Variants in WIPF1 observed in about 807,000 individuals in gnomAD.
WIPF1 encodes WAS/WASL-interacting protein family member 1.
In WIPF1, 13 loss-of-function variants were observed where a neutral mutation model predicts 35.4. The ratio of observed to expected loss-of-function variants is 0.37; its 90% CI spans 0.24 to 0.58. WIPF1 has a LOEUF of 0.58. WIPF1 is among the 20% of genes least tolerant of loss of function. WIPF1 has a pLI of 0.74. For synonymous variants in WIPF1, 267 were observed against 266.3 expected (o/e 1.00, Z -0.02); for missense variants, 591 against 667.0 (o/e 0.89, Z 1.25).
At chr2:174,606,312 A>G (rs1686162406) in intron 1 of WIPF1, among the ~76,000 whole-genome samples, 1 of 152,248 alleles carries the variant, frequency 6.6e-6, no homozygotes, top group African/African-American at 2.4e-5. Context: ...TATCAAAAAA[A>G]CCAATGAAAA....
intron 1 of WIPF1, among the ~76,000 whole-genome samples, chr2:174,664,695 A>T (rs561966726): frequency 2.6e-5 from 4 of 152,234 alleles, no homozygotes; most frequent in Non-Finnish European, 5.9e-5. Context: ...GTCAAACCAG[A>T]CAAACCTCAA....
chr2:174,632,663 G>A (rs1031226402), intron 1 of WIPF1, among the ~76,000 whole-genome samples: 21 of 141,312 alleles, frequency 1.5e-4, no homozygotes, highest in Admixed American at 1.4e-3. Context: ...GAGCCGAGAC[G>A]GTGCCACTGC....
intron 1 of WIPF1, among the ~76,000 whole-genome samples, chr2:174,657,211 G>A (rs939990621): frequency 6.6e-6 from 1 of 152,166 alleles, no homozygotes; most frequent in South Asian, 2.1e-4. Flanking sequence ...TGGCCTAAGC[G>A]AAGTATCTGT....
At chr2:174,591,854 G>C (rs985571702) in intron 1 of WIPF1, among the ~76,000 whole-genome samples, 1 of 152,126 alleles carries the variant, frequency 6.6e-6, no homozygotes, top group African/African-American at 2.4e-5. Context: ...ATCAACTAGG[G>C]CATCTTGCAG....
chr2:174,637,624 A>G (rs1338859027), intron 1 of WIPF1, among the ~76,000 whole-genome samples: 2 of 152,142 alleles, frequency 1.3e-5, no homozygotes, highest in African/African-American at 4.8e-5. Context: ...CGTCTCTACT[A>G]AAAATACAAA....
chr2:174,638,265 AT>A (rs554177125), intron 1 of WIPF1, among the ~76,000 whole-genome samples: 2 of 152,182 alleles, frequency 1.3e-5, no homozygotes, highest in African/African-American at 2.4e-5. Flanking sequence ...ATTTAATTTT[AT>A]TTTTTAAATT....
chr2:174,605,363 G>A (rs1434885472), intron 1 of WIPF1, among the ~76,000 whole-genome samples: 6 of 152,120 alleles, frequency 3.9e-5, no homozygotes, highest in African/African-American at 7.2e-5. Context: ...GCTTGAACCC[G>A]GAAGGCGGAG....
At chr2:174,639,455 T>C (rs372428752) in intron 1 of WIPF1, among the ~76,000 whole-genome samples, 1 of 152,198 alleles carries the variant, frequency 6.6e-6, no homozygotes, top group African/African-American at 2.4e-5. Flanking sequence ...AGTCTCACTT[T>C]GTCACCTAGG....
intron 1 of WIPF1, among the ~76,000 whole-genome samples, chr2:174,595,110 ATATATAT>A (rs1212553849): frequency 0.031 from 962 of 30,654 alleles, 60 homozygotes; most frequent in African/African-American, 0.073. Flanking sequence ...AAAAAAAAAA[ATATATAT>A]ATATATATAT....
intron 1 of WIPF1, among the ~76,000 whole-genome samples, chr2:174,642,175 A>G (rs1206129170): frequency 6.6e-6 from 1 of 152,182 alleles, no homozygotes; most frequent in Non-Finnish European, 1.5e-5. Flanking sequence ...CAAGGAGGGC[A>G]AGGACAATGT....
intron 7 of WIPF1, 79 bp from the exon 8 acceptor site, chr2:174,562,681 CG>C: frequency 6.4e-7 from 1 of 1,558,812 alleles, no homozygotes; most frequent in South Asian, 1.2e-5. Context: ...GATGGTTGCA[CG>C]GGTACCCACT....
intron 1 of WIPF1, among the ~76,000 whole-genome samples, chr2:174,659,727 T>C (rs1244710163): frequency 6.6e-6 from 1 of 152,218 alleles, no homozygotes; most frequent in Non-Finnish European, 1.5e-5. Flanking sequence ...ATTGAGCACC[T>C]TTCCACTGCA....
rs987075809 is a variant in WIPF1, at chr2:174,590,226, A to T, written c.-38-4615T>A. 2.6e-5 allele frequency among the ~76,000 whole-genome samples: 4 copies of T among 152,196 alleles called. No homozygotes were observed. The highest frequency in any genetic ancestry group is 2.6e-4 in the Admixed American group (4 of 15,284). On this transcript the variant is annotated intron_variant, in intron 1 of 7. Transcript: ENST00000679041. This position sits in a 1 kb window ranked among gnomAD's most constrained non-coding sequence, Gnocchi z 4.6. ...CTGCCACCTGGCAGATTCAGATGGG[A>T]ATTTGTTTTTCCCATCTGTTAAATG...
chr2:174,668,455 A>T (rs1687939757), intron 1 of WIPF1, among the ~76,000 whole-genome samples: 1 of 152,168 alleles, frequency 6.6e-6, no homozygotes, highest in African/African-American at 2.4e-5. Flanking sequence ...TTCCTTCTCT[A>T]CCAGCTGAAC....
intron 1 of WIPF1, among the ~76,000 whole-genome samples, chr2:174,652,788 AT>A (rs1687560438): frequency 6.6e-6 from 1 of 150,638 alleles, no homozygotes; most frequent in Non-Finnish European, 1.5e-5. Context: ...TGTAAATTCC[AT>A]TTAAAAAAAA....
In WIPF1 at chr2:174,659,834, T is replaced by A. The variant is rs149996361; in HGVS notation, c.-39+22940A>T. 4.3e-3 allele frequency among the ~76,000 whole-genome samples: 658 copies of A among 152,326 alleles called. 9 individuals are homozygous for A. Among genetic ancestry groups the A allele is most frequent in the African/African-American group, 0.015 (638 of 41,558 alleles). On this transcript the variant is annotated intron_variant, in intron 1 of 8. Coordinates refer to the WIPF1 transcript ENST00000272746. ...TAAGTTTAACTTTCCTATATTCCAC[T>A]TGAACACATCTTCAGAAGGCATTCC...
chr2:174,667,360 C>T (rs559577670), intron 1 of WIPF1, among the ~76,000 whole-genome samples: 2 of 152,292 alleles, frequency 1.3e-5, no homozygotes, highest in Admixed American at 6.5e-5. Context: ...CATGCAAGAT[C>T]AGGGCTGAAA....
intron 6 of WIPF1, 132 bp downstream of exon 6, chr2:174,567,729 A>G: frequency 1.0e-6 from 1 of 962,930 alleles, no homozygotes; most frequent in Non-Finnish European, 1.5e-6. Context: ...ATGGTTAGAT[A>G]GTTAGATCAG....
chr2:174,581,110 T>C (rs1406901822), intron 3 of WIPF1, 200 bp downstream of exon 3: 3 of 529,616 alleles, frequency 5.7e-6, no homozygotes, highest in Admixed American at 6.4e-5. Context: ...AGAATTATTA[T>C]ACTGGCTTCT....
Sources: gnomAD v4.1 joint callset for allele counts (sites outside exome capture counted in the v4.1 genomes callset) on GRCh38, gnomAD v4.1.1 for gene constraint, Gnocchi (gnomAD v3.1) non-coding constraint, MANE v1.5 for transcripts, NCBI Gene and HGNC (gene_info 2026-07-23, HGNC 2026-07-21) for gene names.